The following SCYL2 variants were observed in gnomAD, a reference collection of about 807,000 sequenced individuals.
The protein encoded by SCYL2 is SCY1-like protein 2.
In SCYL2, 36 loss-of-function variants were observed where a neutral mutation model predicts 100.4. The ratio of observed to expected loss-of-function variants is 0.36; its 90% CI spans 0.27 to 0.47. The LOEUF (loss-of-function observed/expected upper bound fraction) is 0.47, where lower values mean the gene tolerates loss of function less well. Among genes scored for constraint, SCYL2 ranks in the 20% least tolerant of loss-of-function variants. SCYL2 has a pLI of 1.00. For synonymous variants in SCYL2, 330 were observed against 359.2 expected (o/e 0.92, Z 0.92); for missense variants, 902 against 1,083.9 (o/e 0.83, Z 2.36).
chr12:100,323,466 A>C (rs1273576385), intron 10 of SCYL2, 59 bp from the exon 11 acceptor site: 1 of 1,008,260 alleles, frequency 9.9e-7, no homozygotes, highest in Non-Finnish European at 1.5e-6. Context: ...AAACTTTGTA[A>C]TATCAGAGAG....
chr12:100,335,763 C>A (rs1364392699), intron 15 of SCYL2, 48 bp from the exon 16 acceptor site: 1 of 1,595,832 alleles, frequency 6.3e-7, no homozygotes, highest in African/African-American at 1.3e-5. Context: ...GCAGCAAAAT[C>A]ACATTTTTAT....
chr12:100,275,011 T>C (rs1159949993), intron 1 of SCYL2, among the ~76,000 whole-genome samples: 1 of 152,198 alleles, frequency 6.6e-6, no homozygotes, highest in Non-Finnish European at 1.5e-5. Context: ...ATATTGAATC[T>C]TCCAATTCAT....
At chr12:100,283,991 CA>C (rs34654501) in intron 2 of SCYL2, among the ~76,000 whole-genome samples, 3 of 152,056 alleles carry the variant, frequency 2.0e-5, no homozygotes, top group African/African-American at 4.8e-5. Flanking sequence ...TAAGCTCATC[CA>C]AAAAAGTAAA....
In SCYL2 at chr12:100,330,836, T is replaced by G. The variant is rs1225442792; in HGVS notation, c.1761+1517T>G. 2.7e-5 allele frequency among the ~76,000 whole-genome samples: 4 copies of G among 150,498 alleles called. No homozygotes were observed. The South Asian group carries it at 6.3e-4, about 24-fold the overall frequency. Reference sequence around the variant, plus strand: ...CTAGGTTTTAATTTTTTTTCTTTTTTTTTTTTTTTTGAGATGGAGTCTCGC... The same window carrying G: ...CTAGGTTTTAATTTTTTTTCTTTTTGTTTTTTTTTTGAGATGGAGTCTCGC... On this transcript the variant is annotated intron_variant, in intron 13 of 17. Coordinates refer to ENST00000360820, the MANE Select transcript of SCYL2 (RefSeq NM_017988.6).
chr12:100,288,592 A>G (rs1041739072), intron 2 of SCYL2, among the ~76,000 whole-genome samples: 5 of 152,186 alleles, frequency 3.3e-5, no homozygotes, highest in Admixed American at 6.5e-5. Context: ...TCTCAACACT[A>G]TGGGAGGCTG....
At chr12:100,284,403 A>T (rs2096302216) in intron 2 of SCYL2, among the ~76,000 whole-genome samples, 1 of 152,188 alleles carries the variant, frequency 6.6e-6, no homozygotes, top group Non-Finnish European at 1.5e-5. Context: ...AAGGTGGTAC[A>T]CCAGTGAGCT....
chr12:100,332,659 G>A (rs578136116), intron 13 of SCYL2, among the ~76,000 whole-genome samples: 3 of 151,910 alleles, frequency 2.0e-5, no homozygotes, highest in African/African-American at 7.2e-5. Flanking sequence ...CTGGAAGGGG[G>A]TATAAGGAAG....
chr12:100,333,837 C>G (rs1347532982), intron 13 of SCYL2: 1 of 168,260 alleles, frequency 5.9e-6, no homozygotes, highest in Admixed American at 6.3e-5. Flanking sequence ...CCAAGAAGAT[C>G]AATATATAAC....
Position 100,338,594 on chromosome 12 carries a change from C to T in SCYL2, c.2212C>T (p.Pro738Ser). 1 of 1,613,686 alleles carries T rather than the reference C, an allele frequency of 6.2e-7. No homozygotes were observed. Residue 738 changes from proline (P) to serine (S), a missense_variant, in exon 18 of 18, where the codon CCT (proline) becomes TCT (serine). Physicochemically the swap from Pro to Ser is moderately conservative, Grantham distance 74. Transcript: ENST00000360820. The part of the protein sequence containing the change: ...SSLTSLSVST[P>S]KSSASSTFTS... ...CTTGACCAGCCTTTCTGTTAGTACCCCTAAATCTTCTGCTTCAAGTACTTT... is the reference window on the plus strand; with the variant it reads ...CTTGACCAGCCTTTCTGTTAGTACCTCTAAATCTTCTGCTTCAAGTACTTT...
At position 100,282,956 on chromosome 12, in the gene SCYL2, C is replaced by A; in HGVS notation, c.-15C>A. 1 of 1,561,474 alleles carries A rather than the reference C, an allele frequency of 6.4e-7. No homozygotes were observed. ...CTGTTTTTCTAGGTAACTATAACTA[C>A]CCAATATTGCAGCCATGGAGTCCAT... On this transcript the variant is annotated 5_prime_UTR_variant, in exon 2 of 18. Coordinates refer to ENST00000360820, the MANE Select transcript of SCYL2 (RefSeq NM_017988.6).
At chr12:100,295,400 G>A (rs576708706) in intron 3 of SCYL2, among the ~76,000 whole-genome samples, 1 of 152,172 alleles carries the variant, frequency 6.6e-6, no homozygotes. Context: ...CACTCCAGCC[G>A]GGGCACCATT....
intron 10 of SCYL2, among the ~76,000 whole-genome samples, chr12:100,321,481 G>A (rs182097937): frequency 6.6e-6 from 1 of 152,182 alleles, no homozygotes; most frequent in East Asian, 1.9e-4. Context: ...CTAGCCCCCA[G>A]TCATCCCTCT....
At chr12:100,288,535 A>G (rs1312727913) in intron 2 of SCYL2, among the ~76,000 whole-genome samples, 1 of 151,994 alleles carries the variant, frequency 6.6e-6, no homozygotes, top group South Asian at 2.1e-4. Context: ...CTTTTTTTAT[A>G]TATACTTAGA....
chr12:100,274,819 C>T (rs1010208438), intron 1 of SCYL2, among the ~76,000 whole-genome samples: 2 of 152,160 alleles, frequency 1.3e-5, no homozygotes, highest in African/African-American at 2.4e-5. Context: ...ATTTGGAGAG[C>T]GATAGGGCTT....
chr12:100,297,994 A>G, intron 3 of SCYL2, 37 bp from the exon 4 acceptor site: 2 of 1,497,974 alleles, frequency 1.3e-6, no homozygotes, highest in Non-Finnish European at 1.8e-6. Context: ...AATGTGTAAT[A>G]ATATGATAGT....
chr12:100,319,361 T>G (rs951931461), intron 10 of SCYL2: 1 of 436,032 alleles, frequency 2.3e-6, no homozygotes, highest in African/African-American at 2.0e-5. Flanking sequence ...TCCCACAGGC[T>G]CTGTGCAGCC....
At chr12:100,295,479 C>T (rs534399322) in intron 3 of SCYL2, among the ~76,000 whole-genome samples, 69 of 150,914 alleles carry the variant, frequency 4.6e-4, no homozygotes, top group Non-Finnish European at 8.5e-4. Context: ...GCGGATCACT[C>T]GCGGTTAGGA....
chr12:100,294,212 C>A (rs1341813223), intron 3 of SCYL2, among the ~76,000 whole-genome samples: 1 of 139,938 alleles, frequency 7.1e-6, no homozygotes, highest in East Asian at 2.3e-4. Context: ...GGGGGGTGAC[C>A]CCCCCACCTC....
chr12:100,284,320 C>G (rs1381684205), intron 2 of SCYL2, among the ~76,000 whole-genome samples: 1 of 152,156 alleles, frequency 6.6e-6, no homozygotes, highest in South Asian at 2.1e-4. Flanking sequence ...CAACTGCTGA[C>G]TATCAGCACT....
Sources: allele counts gnomAD v4.1 joint callset (sites outside exome capture counted in the v4.1 genomes callset), GRCh38; gene constraint gnomAD v4.1.1; transcripts MANE v1.5; gene names NCBI Gene and HGNC (gene_info 2026-07-23, HGNC 2026-07-21).